G3BP2: variants seen among roughly 807,000 people sequenced by gnomAD.
G3BP2 encodes ras GTPase-activating protein-binding protein 2.
In G3BP2, 11 loss-of-function variants were observed where a neutral mutation model predicts 56.7. That is an observed-to-expected ratio of 0.19 (90% CI 0.12 to 0.32). The LOEUF is 0.32. Ranked by LOEUF, G3BP2 falls within the 10% of genes least tolerant of loss-of-function variation. The probability of loss-of-function intolerance (pLI) is 1.00; values close to 1 mark genes in which losing one functional copy is unlikely to be tolerated. For synonymous variants in G3BP2, 165 were observed against 191.6 expected (o/e 0.86, Z 1.15); for missense variants, 340 against 610.9 (o/e 0.56, Z 4.67).
In G3BP2 at chr4:75,642,814, G is replaced by C. The variant is rs1308271665; in HGVS notation, c.*2616C>G. The C allele has an allele frequency of 6.6e-6, 1 of 152,510 alleles. No homozygotes were observed. Among genetic ancestry groups the C allele is most frequent in the Non-Finnish European group, 1.5e-5 (1 of 67,958 alleles). 9.4% of individuals were successfully genotyped at this position (152,510 alleles called of 1,614,324 possible). A position where few individuals can be genotyped will look rare whatever the true frequency, so the allele number is the denominator to read the frequency against. ...TGCAGACATCAGTAGTTTATTGTTT[G>C]TTTAGTCCAAACACATTCAATATGG... On this transcript the variant is annotated 3_prime_UTR_variant, in exon 12 of 12. Transcript: ENST00000359707.
At chr4:75,674,718 A>ATATATATATATTTTTTTT (rs1241041465), upstream of G3BP2, among the ~76,000 whole-genome samples, 1 of 71,432 alleles carries the variant, frequency 1.4e-5, no homozygotes, top group African/African-American at 5.9e-5. Context: ...ATATATATAT[A>ATATATATATATTTTTTTT]TTTTTTTTTT....
At chr4:75,712,592 CT>C (rs1255509904) in intron 3 of G3BP2, among the ~76,000 whole-genome samples, 6 of 152,126 alleles carry the variant, frequency 3.9e-5, no homozygotes, top group African/African-American at 1.2e-4. Context: ...GATTGTGTTT[CT>C]TTATAAAGCT....
At chr4:75,702,169 C>G (rs1355133168) in intron 3 of G3BP2, among the ~76,000 whole-genome samples, 3 of 116,348 alleles carry the variant, frequency 2.6e-5, no homozygotes, top group African/African-American at 6.2e-5. Flanking sequence ...ATAAACCCCC[C>G]AATTTTTTTT....
intron 3 of G3BP2, among the ~76,000 whole-genome samples, chr4:75,692,430 G>A (rs961565469): frequency 2.0e-5 from 3 of 152,066 alleles, no homozygotes; most frequent in African/African-American, 7.2e-5. Context: ...TCCTGCCTAA[G>A]CCTCCTGAGT....
rs1474412729 is a variant in G3BP2 at position 75,697,294 on chromosome 4, AAAAAAAAG to A, written c.-25+23575_-25+23582del. On this transcript the variant is annotated intron_variant, in intron 3 of 3. Coordinates refer to the G3BP2 transcript ENST00000499709. ...GTCTCAAAAAAAAAAAAAAAAAAAA[AAAAAAAAG>A]ATCATGAAATTGAGGTGTTTTGTTG... Among the ~76,000 whole-genome samples the A allele has an allele frequency of 5.8e-4, 63 of 108,572 alleles. 10 individuals are homozygous for A. In the South Asian group the frequency reaches 5.9e-3, roughly 10 times the overall value. 71.2% of individuals were successfully genotyped at this position (108,572 alleles called of 152,430 possible).
chr4:75,719,712 C>T (rs1377060490), intron 3 of G3BP2, among the ~76,000 whole-genome samples: 1 of 152,012 alleles, frequency 6.6e-6, no homozygotes, highest in African/African-American at 2.4e-5. Context: ...GCCTCAGCCT[C>T]CCGAGTAGCT....
intron 3 of G3BP2, among the ~76,000 whole-genome samples, chr4:75,709,612 A>G (rs1400578539): frequency 6.6e-6 from 1 of 151,968 alleles, no homozygotes; most frequent in Non-Finnish European, 1.5e-5. Flanking sequence ...ACTCTATCTC[A>G]GAAAGAAAGA....
chr4:75,655,982 A>G (rs1289799180), intron 5 of G3BP2, 112 bp from the exon 6 acceptor site: 2 of 620,734 alleles, frequency 3.2e-6, no homozygotes, highest in Non-Finnish European at 5.7e-6. Flanking sequence ...AAAATTTGAC[A>G]ATTTTCTTTC....
intron 3 of G3BP2, among the ~76,000 whole-genome samples, chr4:75,707,817 T>C (rs1338855269): frequency 6.6e-6 from 1 of 152,166 alleles, no homozygotes; most frequent in Non-Finnish European, 1.5e-5. Flanking sequence ...CTGGATTTAC[T>C]GAAAGCAGAA....
At position 75,645,203 on chromosome 4, in the gene G3BP2, C is replaced by T; in HGVS notation, c.*227G>A. Reference sequence around the variant, plus strand: ...GATAGTTTAAGATATGGTCATTTCTCAGTCCTTAATTCTCCAAGTCTAGAT... The same window carrying T: ...GATAGTTTAAGATATGGTCATTTCTTAGTCCTTAATTCTCCAAGTCTAGAT... On this transcript the variant is annotated 3_prime_UTR_variant, in exon 12 of 12. Transcript: ENST00000359707. 1.8e-6 allele frequency: 1 copy of T among 560,800 alleles called. No homozygotes were observed. Among genetic ancestry groups the T allele is most frequent in the Non-Finnish European group, 3.1e-6 (1 of 319,134 alleles). 34.7% of individuals were successfully genotyped at this position (560,800 alleles called of 1,614,324 possible).
intron 2 of G3BP2, chr4:75,661,726 C>T: frequency 2.0e-6 from 1 of 511,460 alleles, no homozygotes; most frequent in Non-Finnish European, 3.6e-6. Context: ...TGTTATGTAC[C>T]AGAATATGAC....
chr4:75,691,460 C>T (rs1442246927), intron 3 of G3BP2, among the ~76,000 whole-genome samples: 2 of 152,160 alleles, frequency 1.3e-5, no homozygotes, highest in African/African-American at 4.8e-5. Context: ...CCTCCCACCT[C>T]GGCCTCCCAA....
Position 75,657,557 on chromosome 4 carries a change from T to C in G3BP2, c.351A>G (p.Glu117=). The change falls in exon 4 of 12, where the codon GAA becomes GAG. Residue 117 remains glutamate, a splice_region_variant and synonymous_variant. Transcript: ENST00000359707. ...KFMQTFVLAP[E]GSVPNKFYVH... is the part of the protein sequence containing the mutation. ...AAACTAAGTGAATTGAGAAACTTAC[T>C]TCAGGAGCCAGAACAAAGGTTTGCA... 6.2e-7 allele frequency: 1 copy of C among 1,600,446 alleles called. No homozygotes were observed. Among genetic ancestry groups the C allele is most frequent in the Non-Finnish European group, 8.5e-7 (1 of 1,174,800 alleles).
intron 3 of G3BP2, among the ~76,000 whole-genome samples, chr4:75,688,092 C>T (rs1033824472): frequency 6.6e-6 from 1 of 152,132 alleles, no homozygotes; most frequent in African/African-American, 2.4e-5. Context: ...CTGTATGTAA[C>T]CCCCTAATAA....
At chr4:75,650,426 C>CAAAAAAAA (rs1220235661) in intron 8 of G3BP2, among the ~76,000 whole-genome samples, 7 of 76,718 alleles carry the variant, frequency 9.1e-5, no homozygotes, top group African/African-American at 1.8e-4. Flanking sequence ...AACTCCATCT[C>CAAAAAAAA]AAAAAAAAAA....
chr4:75,690,494 T>C (rs1044854073), intron 3 of G3BP2, among the ~76,000 whole-genome samples: 2 of 150,380 alleles, frequency 1.3e-5, no homozygotes, highest in African/African-American at 4.9e-5. Context: ...AAACCTACAG[T>C]AGATTAGTTG....
intron 1 of G3BP2, among the ~76,000 whole-genome samples, chr4:75,667,745 C>A (rs1475268378): frequency 6.6e-6 from 1 of 152,046 alleles, no homozygotes; most frequent in African/African-American, 2.4e-5. Flanking sequence ...AAAAAATTAG[C>A]CAGGCCTGGT....
chr4:75,703,825 A>G (rs1399478737), intron 3 of G3BP2, among the ~76,000 whole-genome samples: 1 of 152,136 alleles, frequency 6.6e-6, no homozygotes, highest in African/African-American at 2.4e-5. Context: ...TATTTGATTC[A>G]TAAGATGTTT....
At chr4:75,669,259 A>G (rs1284957363) in intron 1 of G3BP2, among the ~76,000 whole-genome samples, 1 of 152,198 alleles carries the variant, frequency 6.6e-6, no homozygotes, top group Non-Finnish European at 1.5e-5. Context: ...CATGACCCAC[A>G]TATGTCCCAA....
Sources: gnomAD v4.1 joint callset for allele counts (sites outside exome capture counted in the v4.1 genomes callset) on GRCh38, gnomAD v4.1.1 for gene constraint, MANE v1.5 for transcripts, NCBI Gene and HGNC (gene_info 2026-07-23, HGNC 2026-07-21) for gene names.